Variants in NCAM2 observed in about 807,000 individuals in gnomAD.
The protein encoded by NCAM2 is N-CAM-2.
NCAM2 carries 30 observed loss-of-function variants against 98.1 expected under a neutral mutation model. The observed-to-expected ratio is 0.31, with a 90% confidence interval of 0.23 to 0.41. The LOEUF (loss-of-function observed/expected upper bound fraction) is 0.41. Ranked by LOEUF, NCAM2 falls within the 10% of genes least tolerant of loss-of-function variation. The pLI, the probability that NCAM2 is intolerant of heterozygous loss-of-function variation, is 1.00. For missense variants in NCAM2, 867 were observed against 1,005.8 expected (o/e 0.86, Z 1.87); for synonymous variants, 368 against 342.4 (o/e 1.07, Z -0.83).
At chr21:21,365,431 T>C (rs2075761599) in intron 8 of NCAM2, among the ~76,000 whole-genome samples, 1 of 151,928 alleles carries the variant, frequency 6.6e-6, no homozygotes, top group Non-Finnish European at 1.5e-5. Flanking sequence ...AGTAACTTAA[T>C]GTCTCAGAAG....
chr21:21,197,875 G>A (rs1359309293), intron 1 of NCAM2, among the ~76,000 whole-genome samples: 1 of 152,166 alleles, frequency 6.6e-6, no homozygotes, highest in African/African-American at 2.4e-5. Flanking sequence ...ATATCATTTA[G>A]CCATTGTGAA....
intron 15 of NCAM2, among the ~76,000 whole-genome samples, chr21:21,505,744 A>G (rs1987940796): frequency 6.6e-6 from 1 of 151,982 alleles, no homozygotes; most frequent in South Asian, 2.1e-4. Context: ...TCATTTTTAT[A>G]ATACTAAATA....
chr21:21,215,225 T>C (rs1184626039), intron 1 of NCAM2, among the ~76,000 whole-genome samples: 1 of 152,174 alleles, frequency 6.6e-6, no homozygotes, highest in African/African-American at 2.4e-5. Context: ...CTTATCATTA[T>C]GCAAAGAGTA....
intron 1 of NCAM2, among the ~76,000 whole-genome samples, chr21:21,201,548 T>C (rs2147027437): frequency 6.6e-6 from 1 of 152,350 alleles, no homozygotes; most frequent in African/African-American, 2.4e-5. Flanking sequence ...AGAAAAGTAT[T>C]ATCCAGAAGG....
chr21:21,357,365 G>T (rs764781523), intron 8 of NCAM2, among the ~76,000 whole-genome samples: 1 of 152,084 alleles, frequency 6.6e-6, no homozygotes, highest in Non-Finnish European at 1.5e-5. Context: ...CTTAAAAAAT[G>T]TGTAACGGTA....
At chr21:21,317,549 T>C (rs2074255762) in intron 5 of NCAM2, among the ~76,000 whole-genome samples, 1 of 145,890 alleles carries the variant, frequency 6.9e-6, no homozygotes, top group Non-Finnish European at 1.6e-5. Context: ...ATTAATTAAT[T>C]ATTTTTTTTG....
At chr21:21,272,045 TA>T (rs2072522155) in intron 1 of NCAM2, among the ~76,000 whole-genome samples, 2 of 152,236 alleles carry the variant, frequency 1.3e-5, no homozygotes, top group Non-Finnish European at 2.9e-5. Flanking sequence ...AAGTATAATT[TA>T]AAAAACAAAG....
At chr21:21,486,118 A>G (rs905077823) in intron 15 of NCAM2, among the ~76,000 whole-genome samples, 1 of 152,010 alleles carries the variant, frequency 6.6e-6, no homozygotes, top group Non-Finnish European at 1.5e-5. Flanking sequence ...CCCGGCTAAC[A>G]CGGTAAAACC....
chr21:21,076,740 TA>T (rs1048874854), intron 1 of NCAM2, among the ~76,000 whole-genome samples: 4 of 152,068 alleles, frequency 2.6e-5, no homozygotes, highest in South Asian at 2.1e-4. Context: ...ATCGGCTTTT[TA>T]AAAAAAATGC....
chr21:21,525,504 A>G (rs1403994702), intron 16 of NCAM2, among the ~76,000 whole-genome samples: 1 of 152,152 alleles, frequency 6.6e-6, no homozygotes, highest in South Asian at 2.1e-4. Context: ...TATCCATCAA[A>G]CAAATTGAAT....
intron 16 of NCAM2, among the ~76,000 whole-genome samples, chr21:21,513,280 T>C (rs539910706): frequency 6.6e-6 from 1 of 152,188 alleles, no homozygotes; most frequent in South Asian, 2.1e-4. Context: ...TTAAGATGCA[T>C]TGTAAGGTTA....
At chr21:21,510,479 G>T (rs535677170) in intron 16 of NCAM2, among the ~76,000 whole-genome samples, 14 of 152,104 alleles carry the variant, frequency 9.2e-5, no homozygotes, top group African/African-American at 3.1e-4. Flanking sequence ...CAAAAATGTT[G>T]TATTAGGACC....
intron 5 of NCAM2, among the ~76,000 whole-genome samples, chr21:21,308,372 A>T (rs2073946932): frequency 6.6e-6 from 1 of 152,012 alleles, no homozygotes; most frequent in African/African-American, 2.4e-5. Context: ...TTTATATATA[A>T]AATACATTTT....
intron 10 of NCAM2, among the ~76,000 whole-genome samples, chr21:21,415,536 C>A (rs760617085): frequency 2.6e-5 from 4 of 151,782 alleles, no homozygotes; most frequent in Non-Finnish European, 5.9e-5. Context: ...AGGGTTTCAC[C>A]GTGTTAGCCA....
intron 12 of NCAM2, among the ~76,000 whole-genome samples, chr21:21,440,826 T>C (rs576942838): frequency 3.6e-4 from 55 of 152,308 alleles, no homozygotes; most frequent in African/African-American, 1.3e-3. Context: ...TCAGAAATTC[T>C]ATTCAACAAG....
chr21:21,264,409 A>G (rs1039747117), intron 1 of NCAM2, among the ~76,000 whole-genome samples: 5 of 152,102 alleles, frequency 3.3e-5, no homozygotes, highest in Non-Finnish European at 5.9e-5. Flanking sequence ...AATGTAAATT[A>G]GTTCAACCCC....
At chr21:21,217,879 C>T (rs529505798) in intron 1 of NCAM2, among the ~76,000 whole-genome samples, 1 of 152,284 alleles carries the variant, frequency 6.6e-6, no homozygotes, top group African/African-American at 2.4e-5. Context: ...ATGGAGGTGA[C>T]TTTGGGAAGA....
chr21:21,331,735 C>T (rs986296519), intron 6 of NCAM2, among the ~76,000 whole-genome samples: 6 of 143,016 alleles, frequency 4.2e-5, no homozygotes, highest in South Asian at 2.3e-4. Flanking sequence ...AACACAGGCA[C>T]GTGCCACCAC....
At chr21:21,321,853 A>G (rs1180619017) in intron 5 of NCAM2, among the ~76,000 whole-genome samples, 1 of 152,230 alleles carries the variant, frequency 6.6e-6, no homozygotes, top group Non-Finnish European at 1.5e-5. Context: ...AGGAATGCTT[A>G]TACACTGTTG....
Sources: gnomAD v4.1 joint callset for allele counts (sites outside exome capture counted in the v4.1 genomes callset) on GRCh38, gnomAD v4.1.1 for gene constraint, MANE v1.5 for transcripts, NCBI Gene and HGNC (gene_info 2026-07-23, HGNC 2026-07-21) for gene names.